The following TMEM232 variants were observed in gnomAD, a reference collection of about 807,000 sequenced individuals.
The protein encoded by TMEM232 is transmembrane protein 232.
A neutral mutation model predicts 78.8 loss-of-function variants in TMEM232; 80 were observed. The ratio of observed to expected loss-of-function variants is 1.01; its 90% confidence interval spans 0.85 to 1.22. The LOEUF (loss-of-function observed/expected upper bound fraction) is 1.22, where lower values mean the gene tolerates loss of function less well. Ranked by LOEUF, TMEM232 falls within the 50% of genes most tolerant of loss-of-function variation. The pLI is 0.00. For missense variants in TMEM232, 881 were observed against 742.2 expected (o/e 1.19, Z -2.17); for synonymous variants, 297 against 254.3 (o/e 1.17, Z -1.60).
intron 2 of TMEM232, among the ~76,000 whole-genome samples, chr5:110,733,386 A>T (rs1479752639): frequency 1.3e-5 from 2 of 152,172 alleles, no homozygotes; most frequent in African/African-American, 2.4e-5. Flanking sequence ...ATAAAGACAC[A>T]TGCACAGGTA....
chr5:110,456,955 G>T (rs912115157), intron 12 of TMEM232, among the ~76,000 whole-genome samples: 31 of 151,908 alleles, frequency 2.0e-4, no homozygotes, highest in African/African-American at 7.2e-4. Context: ...ATTCTTTTTG[G>T]GTTAGGCAAG....
intron 2 of TMEM232, among the ~76,000 whole-genome samples, chr5:110,648,512 G>C (rs966932888): frequency 6.6e-6 from 1 of 152,048 alleles, no homozygotes; most frequent in African/African-American, 2.4e-5. Flanking sequence ...ATTCTATCTT[G>C]TGAACCAAAA....
At chr5:110,586,876 G>C (rs1778879161) in intron 10 of TMEM232, among the ~76,000 whole-genome samples, 2 of 152,052 alleles carry the variant, frequency 1.3e-5, no homozygotes, top group Non-Finnish European at 2.9e-5. Context: ...AGATGCTCTA[G>C]AATCAAGTGT....
chr5:110,523,804 T>TA (rs1769927577), intron 12 of TMEM232, among the ~76,000 whole-genome samples: 2 of 151,780 alleles, frequency 1.3e-5, no homozygotes, highest in South Asian at 4.2e-4. Context: ...ATAAATTTTT[T>TA]AAAAAACCTA....
At chr5:110,455,366 A>C (rs1163829659) in intron 12 of TMEM232, among the ~76,000 whole-genome samples, 1 of 151,962 alleles carries the variant, frequency 6.6e-6, no homozygotes, top group East Asian at 1.9e-4. Context: ...ATTTCTCATG[A>C]AAGTAGATAT....
At chr5:110,602,717 T>G (rs933665591) in intron 10 of TMEM232, among the ~76,000 whole-genome samples, 1 of 152,164 alleles carries the variant, frequency 6.6e-6, no homozygotes, top group Non-Finnish European at 1.5e-5. Context: ...AGTTTAACCA[T>G]TGTGGAAGAC....
intron 10 of TMEM232, among the ~76,000 whole-genome samples, chr5:110,594,922 C>T (rs537383736): frequency 6.6e-6 from 1 of 152,328 alleles, no homozygotes; most frequent in South Asian, 2.1e-4. Flanking sequence ...TTAAGCTCTG[C>T]TAAAGGGCAG....
intron 1 of TMEM232, among the ~76,000 whole-genome samples, chr5:110,698,368 T>C (rs1795047597): frequency 6.6e-6 from 1 of 151,934 alleles, no homozygotes; most frequent in Admixed American, 6.6e-5. Context: ...CACACCAACA[T>C]GGCACATGTA....
intron 12 of TMEM232, among the ~76,000 whole-genome samples, chr5:110,450,501 G>A (rs539630779): frequency 2.0e-5 from 3 of 151,980 alleles, no homozygotes; most frequent in East Asian, 3.9e-4. Flanking sequence ...ACTATTGCGA[G>A]TTAATTCATG....
intron 2 of TMEM232, among the ~76,000 whole-genome samples, chr5:110,666,122 G>A (rs550127158): frequency 6.6e-6 from 1 of 152,030 alleles, no homozygotes; most frequent in Non-Finnish European, 1.5e-5. Flanking sequence ...AGAACTTTTG[G>A]AGCAAAGAAA....
chr5:110,682,923 T>G lies in TMEM232; in HGVS notation c.-12-15559A>C, dbSNP rs372583670. Reference sequence around the variant, plus strand: ...CTCCCTCTCAGACTTCTGTGTGGTATGGTGGGTAAGTGTGCAATGCAGGAA... The same window carrying G: ...CTCCCTCTCAGACTTCTGTGTGGTAGGGTGGGTAAGTGTGCAATGCAGGAA... On this transcript the variant is annotated intron_variant, in intron 1 of 13. Transcript: ENST00000455884. 7.9e-4 allele frequency among the ~76,000 whole-genome samples: 120 copies of G among 152,278 alleles called. 1 individual carries two copies. The South Asian group carries it at 0.023, about 30-fold the overall frequency.
chr5:110,690,542 C>G (rs888944629), intron 1 of TMEM232, among the ~76,000 whole-genome samples: 3 of 152,044 alleles, frequency 2.0e-5, no homozygotes, highest in Non-Finnish European at 4.4e-5. Context: ...TAAATTAGTT[C>G]AACGATTGTG....
At chr5:110,661,833 C>T (rs770893739) in intron 2 of TMEM232, among the ~76,000 whole-genome samples, 6 of 152,158 alleles carry the variant, frequency 3.9e-5, no homozygotes, top group African/African-American at 7.2e-5. Flanking sequence ...CTAATAAACG[C>T]CAGTTTAGTT....
chr5:110,606,262 C>A lies in TMEM232; in HGVS notation c.928G>T (p.Val310Phe), dbSNP rs764609735. 23 of 1,542,050 alleles carry A rather than the reference C, an allele frequency of 1.5e-5. No homozygotes were observed. The highest frequency in any genetic ancestry group is 2.0e-5 in the Non-Finnish European group (23 of 1,140,492). ...TTTAATTTGGCAGCCTCCCCAAGGACCAGTAAAGCCAGTACTGAATCCAAC... is the reference window on the plus strand; with the variant it reads ...TTTAATTTGGCAGCCTCCCCAAGGAACAGTAAAGCCAGTACTGAATCCAAC... ...CWLDSVLALLVLGEAAKLNMA... is the reference protein window; with the variant it reads ...CWLDSVLALLFLGEAAKLNMA... The change falls in exon 9 of 14, where the codon GTC becomes TTC. Residue 310 changes from valine (V) to phenylalanine (F), a missense_variant. Val to Phe is a conservative substitution (Grantham distance 50). Transcript: ENST00000455884.
chr5:110,736,189 T>G (rs1264321985), intron 1 of TMEM232, among the ~76,000 whole-genome samples: 2 of 152,228 alleles, frequency 1.3e-5, no homozygotes, highest in Non-Finnish European at 2.9e-5. Flanking sequence ...CAATAAACTC[T>G]GGACGATTTC....
intron 12 of TMEM232, among the ~76,000 whole-genome samples, chr5:110,460,802 ACATTTT>A (rs987084496): frequency 7.9e-5 from 12 of 151,968 alleles, no homozygotes; most frequent in African/African-American, 2.9e-4. Context: ...AATATTTAAA[ACATTTT>A]CATTATCATA....
intron 12 of TMEM232, among the ~76,000 whole-genome samples, chr5:110,426,302 T>A (rs1554075689): frequency 6.6e-6 from 1 of 152,014 alleles, no homozygotes; most frequent in Non-Finnish European, 1.5e-5. Flanking sequence ...TTTTCCTGAG[T>A]AGAGTATGAG....
At chr5:110,733,838 A>G (rs1216122686) in intron 2 of TMEM232, among the ~76,000 whole-genome samples, 3 of 152,214 alleles carry the variant, frequency 2.0e-5, no homozygotes, top group Non-Finnish European at 4.4e-5. Flanking sequence ...CCTAAAATAA[A>G]CTTTTTTAAA....
At chr5:110,669,115 A>C (rs558902174) in intron 1 of TMEM232, among the ~76,000 whole-genome samples, 2 of 152,300 alleles carry the variant, frequency 1.3e-5, no homozygotes, top group African/African-American at 2.4e-5. Flanking sequence ...AGAAGGCAAG[A>C]AATAACTAAG....
Sources: gnomAD v4.1 joint callset for allele counts (sites outside exome capture counted in the v4.1 genomes callset) on GRCh38, gnomAD v4.1.1 for gene constraint, MANE v1.5 for transcripts, NCBI Gene and HGNC (gene_info 2026-07-23, HGNC 2026-07-21) for gene names.